The following CHADL variants were observed in gnomAD, a reference collection of about 807,000 sequenced individuals.
CHADL encodes the protein chondroadherin-like protein.
Under a neutral mutation model 52.1 loss-of-function variants are expected in CHADL, and 48 were observed. That is an observed-to-expected ratio of 0.92 (90% CI 0.73 to 1.17). The LOEUF is 1.17. CHADL is among the 50% of genes most tolerant of loss of function. CHADL has a pLI of 0.00. For synonymous variants in CHADL, 498 were observed against 511.2 expected, an observed-to-expected ratio of 0.97 and a Z score of 0.35; for missense variants, 977 against 1,035.1, an observed-to-expected ratio of 0.94 and a Z score of 0.77.
chr22:41,239,389 G>A (rs1006893550), intron 2 of CHADL, 54 bp downstream of exon 2: 1 of 1,503,278 alleles, frequency 6.7e-7, no homozygotes, highest in East Asian at 2.5e-5. Flanking sequence ...TCCTCCCTCT[G>A]GGTCCCCACC....
rs752113038 is a variant in CHADL at position 41,238,531 on chromosome 22, G to T, written c.541C>A (p.Leu181Ile). 93 of 1,544,756 alleles carry T rather than the reference G, an allele frequency of 6.0e-5. No individual in the cohort carries two copies. Among genetic ancestry groups the T allele is most frequent in the Middle Eastern group, 1.7e-4 (1 of 5,962 alleles). The part of the protein sequence containing the change: ...VYLPAMAFQG[L>I]LRVRWLRLSH... ...AGCCGCAGCCAGCGGACGCGCAGTAGCCCCTGGAAGGCCATGGCGGGCAGG... is the reference window on the plus strand; with the variant it reads ...AGCCGCAGCCAGCGGACGCGCAGTATCCCCTGGAAGGCCATGGCGGGCAGG... The change falls in exon 3 of 6, where the codon CTA (leucine) becomes ATA (isoleucine). Residue 181 changes from leucine (L) to isoleucine (I), a missense_variant. Leu to Ile is a conservative substitution (Grantham distance 5, BLOSUM62 2). Coordinates refer to ENST00000216241, the MANE Select transcript of CHADL (RefSeq NM_138481.2). The surrounding 1 kb of genome is among the most constrained non-coding windows in gnomAD (Gnocchi z 4.9).
At position 41,232,411 on chromosome 22, in the gene CHADL, G is replaced by A. The variant is rs1050818231; in HGVS notation, c.2263-2681C>T. Among the ~76,000 whole-genome samples, 15 of 151,982 alleles carry A rather than the reference G, an allele frequency of 9.9e-5. 1 individual carries two copies. The highest frequency in any genetic ancestry group is 2.1e-4 in the South Asian group (1 of 4,822). ...GGTTTGTCTGCCAGATGACCTAGTC[G>A]TGAGTCAGTCATTCAGCCTTCCCGA... On this transcript the variant is annotated intron_variant, in intron 5 of 5. Coordinates refer to ENST00000216241, the MANE Select transcript of CHADL (RefSeq NM_138481.2).
At position 41,238,741 on chromosome 22, in the gene CHADL, GGCCCAGGCCACGGAAGGC is replaced by G; in HGVS notation, c.313_330del (p.Ala105_Gly110del). On this transcript the variant is annotated inframe_deletion, in exon 3 of 6. Transcript: ENST00000216241. The surrounding 1 kb of genome is among the most constrained non-coding windows in gnomAD (Gnocchi z 4.9). The stretch of plus-strand genomic sequence containing the variant: ...GAGGCCAGGTTGAGCAGGAGCAGGC[GGCCCAGGCCACGGAAGGC>G]GCCCTCGGCCACCAGCTCCACCTCG... 1 of 1,548,720 alleles carries G rather than the reference GGCCCAGGCCACGGAAGGC, an allele frequency of 6.5e-7. No homozygotes were observed. The highest frequency in any genetic ancestry group is 1.2e-5 in the South Asian group (1 of 84,004).
Position 41,239,545 on chromosome 22 carries a change from G to A in CHADL, c.84C>T (p.Ala28=), listed in dbSNP as rs935147360. 29 of 1,548,466 alleles carry A rather than the reference G, an allele frequency of 1.9e-5. No individual in the cohort carries two copies. Among genetic ancestry groups the A allele is most frequent in the African/African-American group, 4.1e-5 (3 of 72,950 alleles). Residue 28 remains alanine, a synonymous_variant, in exon 2 of 6, where the codon GCC becomes GCT. Coordinates refer to ENST00000216241, the MANE Select transcript of CHADL (RefSeq NM_138481.2). ...VLLLLAPARQ[A]AAQRCPQACI... is the part of the protein sequence containing the mutation. ...AGGCCTGTGGGCAGCGCTGGGCGGC[G>A]GCCTGCCTAGCCGGGGCCAGCAGCA...
chr22:41,233,757 T>C lies in CHADL; in HGVS notation c.2262+1388A>G, dbSNP rs1948963517. Among the ~76,000 whole-genome samples, 4 of 152,092 alleles carry C rather than the reference T, an allele frequency of 2.6e-5. No individual in the cohort carries two copies. The South Asian group carries it at 6.2e-4, about 24-fold the overall frequency. On this transcript the variant is annotated intron_variant, in intron 5 of 5. Coordinates refer to ENST00000216241, the MANE Select transcript of CHADL (RefSeq NM_138481.2). ...AGCTCCTAGCATTTTGTTGTGGCAG[T>C]CCTAGGGGATGAATACAAACACCAA...
intron 1 of CHADL, 175 bp downstream of exon 1, chr22:41,240,699 C>T: frequency 1.5e-6 from 1 of 670,156 alleles, no homozygotes; most frequent in Non-Finnish European, 2.5e-6. Flanking sequence ...TGGCAGTGGC[C>T]ACATTGCCAC....
intron 2 of CHADL, 102 bp downstream of exon 2, chr22:41,239,341 G>T: frequency 9.5e-7 from 1 of 1,057,692 alleles, no homozygotes; most frequent in Non-Finnish European, 1.4e-6. Flanking sequence ...AGGTCTCCCG[G>T]GCAGGCGGTG....
At chr22:41,233,010 T>A (rs1221581876) in intron 5 of CHADL, among the ~76,000 whole-genome samples, 4 of 152,150 alleles carry the variant, frequency 2.6e-5, no homozygotes. Context: ...TTAGGAACAC[T>A]TTATAGACTG....
At chr22:41,239,748 A>G in intron 1 of CHADL, 128 bp from the exon 2 acceptor site, 1 of 837,352 alleles carries the variant, frequency 1.2e-6, no homozygotes, top group Non-Finnish European at 1.8e-6. Context: ...GGGCCCAGGA[A>G]AGTGCCAATC....
At chr22:41,230,011 A>C in intron 5 of CHADL, 1 of 726,328 alleles carries the variant, frequency 1.4e-6, no homozygotes, top group Non-Finnish European at 2.3e-6. Context: ...CCAGAAGGGA[A>C]GCTGGAGGGT....
At position 41,229,608 on chromosome 22, in the gene CHADL, G is replaced by A. The variant is rs1017098166; in HGVS notation, c.*96C>T. 68 of 1,613,684 alleles carry A rather than the reference G, an allele frequency of 4.2e-5. No homozygotes were observed. Among genetic ancestry groups the A allele is most frequent in the East Asian group, 8.9e-5 (4 of 44,892 alleles). ...GTCCAAGAAGCCCCTGCTGGAGGAC[G>A]ACCCTCAGGGTGCCAGGAAGATCTC... On this transcript the variant is annotated 3_prime_UTR_variant, in exon 6 of 6. Transcript: ENST00000216241.
In CHADL at chr22:41,237,614, T is replaced by C. The variant is rs916690798; in HGVS notation, c.1458A>G (p.Ala486=). Residue 486 remains alanine (A), a synonymous_variant, in exon 3 of 6, where the codon GCA becomes GCG. Coordinates refer to ENST00000216241, the MANE Select transcript of CHADL (RefSeq NM_138481.2). The part of the protein sequence containing the change: ...IYLYLSDNQL[A]GLSAAALEGA... ...CTTCAAGGGCAGCAGCGCTGAGGCCTGCGAGCTGGTTGTCGGAGAGGTACA... is the reference window on the plus strand; with the variant it reads ...CTTCAAGGGCAGCAGCGCTGAGGCCCGCGAGCTGGTTGTCGGAGAGGTACA... 1 of 1,550,388 alleles carries C rather than the reference T, an allele frequency of 6.4e-7. No individual in the cohort carries two copies. The highest frequency in any genetic ancestry group is 1.4e-5 in the African/African-American group (1 of 73,168).
intron 5 of CHADL, among the ~76,000 whole-genome samples, chr22:41,232,177 A>C (rs1437931060): frequency 2.0e-5 from 3 of 150,598 alleles, no homozygotes; most frequent in Admixed American, 6.6e-5. Flanking sequence ...CTAAAAATAC[A>C]AAAAATTAGC....
rs2032744078 is a variant in CHADL at position 41,236,569 on chromosome 22, C to A, written c.1978G>T (p.Ala660Ser). Residue 660 changes from alanine to serine, a missense_variant, in exon 4 of 6, where the codon GCC becomes TCC. By Grantham distance (99) the Ala-to-Ser change is moderately conservative. Transcript: ENST00000216241. The stretch of plus-strand genomic sequence containing the variant: ...TCCAGCTGGCTGAGACTGGGCAGGG[C>A]AGGCAGGGCCCGAAGCTGGTTCTTC... The part of the protein sequence containing the change: ...LQKNQLRALP[A>S]LPSLSQLELI... The A allele has an allele frequency of 3.2e-6, 5 of 1,551,362 alleles. No individual in the cohort carries two copies. Among genetic ancestry groups the A allele is most frequent in the Non-Finnish European group, 3.5e-6 (4 of 1,146,940 alleles).
At chr22:41,239,978 G>A (rs997731668) in intron 1 of CHADL, among the ~76,000 whole-genome samples, 3 of 152,202 alleles carry the variant, frequency 2.0e-5, no homozygotes, top group African/African-American at 4.8e-5. Context: ...CTCGGAAGCA[G>A]CCTGTCCTCA....
Position 41,238,057 on chromosome 22 carries a change from GC to G in CHADL, c.1014del (p.Pro339ArgfsTer94). The part of the protein sequence containing the change: ...ARVRSDGACQ[G>X]PRRLRGEALD... ...AGAGCCTCGCCCCGCAGGCGCCGCG[GC>G]CCCTGGCACGCGCCGTCCGAGCGCA... On this transcript the variant is annotated frameshift_variant, in exon 3 of 6. Coordinates refer to ENST00000216241, the MANE Select transcript of CHADL (RefSeq NM_138481.2). LOFTEE classifies it high-confidence loss of function. The surrounding 1 kb of genome is among the most constrained non-coding windows in gnomAD (Gnocchi z 4.9). 2 of 1,273,858 alleles carry G rather than the reference GC, an allele frequency of 1.6e-6. No homozygotes were observed. The highest frequency in any genetic ancestry group is 9.8e-7 in the Non-Finnish European group (1 of 1,017,944). The allele number at this position is 1,273,858 out of a possible 1,614,324, so 78.9% of individuals were successfully genotyped here.
chr22:41,232,274 A>G (rs1205095282), intron 5 of CHADL, among the ~76,000 whole-genome samples: 1 of 151,598 alleles, frequency 6.6e-6, no homozygotes, highest in Non-Finnish European at 1.5e-5. Flanking sequence ...GGAGGTGGCA[A>G]TGAGCCGAGA....
intron 5 of CHADL, among the ~76,000 whole-genome samples, chr22:41,234,422 G>A (rs1014823520): frequency 5.3e-5 from 8 of 150,712 alleles, no homozygotes; most frequent in Non-Finnish European, 7.4e-5. Context: ...TCACCCTGTC[G>A]CCAGGCTGGG....
intron 4 of CHADL, among the ~76,000 whole-genome samples, chr22:41,236,246 G>A (rs747601053): frequency 6.6e-6 from 1 of 152,228 alleles, no homozygotes; most frequent in Non-Finnish European, 1.5e-5. Flanking sequence ...AGGCAGAGCA[G>A]ATACCATGCC....
Sources: gnomAD v4.1 joint callset for allele counts (sites outside exome capture counted in the v4.1 genomes callset) on GRCh38, gnomAD v4.1.1 for gene constraint, Gnocchi (gnomAD v3.1) non-coding constraint, MANE v1.5 for transcripts, NCBI Gene and HGNC (gene_info 2026-07-23, HGNC 2026-07-21) for gene names.